Variants in KCNIP2 observed in about 807,000 individuals in gnomAD.
KCNIP2 encodes A-type potassium channel modulatory protein KCNIP2.
A neutral mutation model predicts 39.0 loss-of-function variants in KCNIP2; 19 were observed. That is an observed-to-expected ratio of 0.49 (90% CI 0.34 to 0.71). KCNIP2 has a LOEUF of 0.71. KCNIP2 is among the 30% of genes least tolerant of loss of function. The probability of loss-of-function intolerance (pLI) is 0.01; values close to 1 mark genes in which losing one functional copy is unlikely to be tolerated. For missense variants in KCNIP2, 261 were observed against 346.0 expected (o/e 0.75, Z 1.95); for synonymous variants, 111 against 131.2 (o/e 0.85, Z 1.05).
chr10:101,830,496 C>A, intron 2 of KCNIP2: 1 of 1,246,208 alleles, frequency 8.0e-7, no homozygotes, highest in Non-Finnish European at 1.0e-6. Flanking sequence ...AGGCTCAGGC[C>A]TCAGCCTGGT....
At chr10:101,831,283 T>C (rs977065989) in intron 1 of KCNIP2, 116 bp from the exon 2 acceptor site, 44 of 791,654 alleles carry the variant, frequency 5.6e-5, no homozygotes, top group South Asian at 5.4e-4. Context: ...GGGGGAGGAA[T>C]TAAGGGGAGG....
At chr10:101,833,035 G>C (rs1437337436) in intron 1 of KCNIP2, among the ~76,000 whole-genome samples, 1 of 149,812 alleles carries the variant, frequency 6.7e-6, no homozygotes, top group Non-Finnish European at 1.5e-5. Context: ...GGTGAGCTAG[G>C]AGTTTTCTGC....
chr10:101,840,844 G>A (rs2066310559), intron 1 of KCNIP2, among the ~76,000 whole-genome samples: 1 of 152,172 alleles, frequency 6.6e-6, no homozygotes, highest in Admixed American at 6.5e-5. Context: ...CAGCCACACG[G>A]GGGCGCCCCC....
chr10:101,827,452 C>T, intron 9 of KCNIP2, 52 bp from the exon 10 acceptor site: 1 of 1,561,880 alleles, frequency 6.4e-7, no homozygotes, highest in East Asian at 2.3e-5. Flanking sequence ...AGAGAAGGAG[C>T]TTATCAGAGA....
Position 101,828,991 on chromosome 10 carries a change from C to G in KCNIP2, c.348+84G>C. On this transcript the variant is annotated intron_variant, in intron 4 of 9. Coordinates refer to ENST00000356640, the MANE Select transcript of KCNIP2 (RefSeq NM_173191.3). The surrounding 1 kb of genome is among the most constrained non-coding windows in gnomAD (Gnocchi z 6.6). ...CCCTTCCGCCCACACCTCAAGCATCCAAGCCATGCTTTCTGGGAAGCTGTG... is the reference window on the plus strand; with the variant it reads ...CCCTTCCGCCCACACCTCAAGCATCGAAGCCATGCTTTCTGGGAAGCTGTG... 1 of 1,568,006 alleles carries G rather than the reference C, an allele frequency of 6.4e-7. No individual in the cohort carries two copies.
chr10:101,840,689 C>T (rs2066305885), intron 1 of KCNIP2, among the ~76,000 whole-genome samples: 1 of 152,088 alleles, frequency 6.6e-6, no homozygotes, highest in Non-Finnish European at 1.5e-5. Context: ...GAGATATAGT[C>T]CCGCTCTTTC....
At chr10:101,832,069 A>G (rs1478319574) in intron 1 of KCNIP2, among the ~76,000 whole-genome samples, 1 of 152,196 alleles carries the variant, frequency 6.6e-6, no homozygotes, top group Non-Finnish European at 1.5e-5. Context: ...CAGCTAACTC[A>G]TCTACCCTAA....
intron 1 of KCNIP2, among the ~76,000 whole-genome samples, chr10:101,834,694 T>C (rs549713133): frequency 6.6e-6 from 1 of 152,142 alleles, no homozygotes; most frequent in South Asian, 2.1e-4. Context: ...CCCCTAGACA[T>C]CCTGTGGCTA....
chr10:101,827,441 A>G, intron 9 of KCNIP2, 41 bp from the exon 10 acceptor site: 1 of 1,581,354 alleles, frequency 6.3e-7, no homozygotes, highest in African/African-American at 1.3e-5. Context: ...AAGAGAGAGA[A>G]AGAGAAGGAG....
chr10:101,832,723 A>G (rs1243194043), intron 1 of KCNIP2, among the ~76,000 whole-genome samples: 1 of 152,036 alleles, frequency 6.6e-6, no homozygotes, highest in Non-Finnish European at 1.5e-5. Context: ...GGGGCCTCCA[A>G]TGGTGTAGTT....
intron 1 of KCNIP2, among the ~76,000 whole-genome samples, chr10:101,836,271 TC>T (rs2066156818): frequency 2.1e-5 from 3 of 145,574 alleles, no homozygotes; most frequent in Non-Finnish European, 1.5e-5. Context: ...GGCTTTTTTT[TC>T]TCTTTTTTTT....
At chr10:101,830,551 AGC>A in intron 2 of KCNIP2, 1 of 965,672 alleles carries the variant, frequency 1.0e-6, no homozygotes, top group Non-Finnish European at 1.4e-6. Context: ...GTTTTGCGGG[AGC>A]GGTGACACAC....
chr10:101,835,853 G>C (rs893796777), intron 1 of KCNIP2, among the ~76,000 whole-genome samples: 1 of 152,168 alleles, frequency 6.6e-6, no homozygotes, highest in Admixed American at 6.5e-5. Context: ...GCCTATGAAG[G>C]CATACTATTA....
chr10:101,833,847 G>C (rs537760250), intron 1 of KCNIP2, among the ~76,000 whole-genome samples: 1 of 152,128 alleles, frequency 6.6e-6, no homozygotes, highest in African/African-American at 2.4e-5. Context: ...CACCGTGGTG[G>C]GCCCCTGACT....
rs766718618 is a variant in KCNIP2 at position 101,831,117 on chromosome 10, G to A, written c.124C>T (p.Leu42=). ...GCTTGGGGCCCGCAGCACGGCAGCA[G>A]CTTGAGGAATCGCTGCTTCAGCGCT... is the stretch of plus-strand genomic sequence containing the variant. ...KKALKQRFLK[L]LPCCGPQALP... is the part of the protein sequence containing the mutation. The change falls in exon 2 of 10, where the codon CTG becomes TTG. Residue 42 remains leucine, a synonymous_variant. Transcript: ENST00000356640. The A allele has an allele frequency of 1.2e-6, 2 of 1,613,626 alleles. No homozygotes were observed. The highest frequency in any genetic ancestry group is 1.7e-6 in the Non-Finnish European group (2 of 1,179,890).
Position 101,843,443 on chromosome 10 carries a change from C to A in KCNIP2, c.73+53G>T. On this transcript the variant is annotated intron_variant, in intron 1 of 9. Coordinates refer to ENST00000356640, the MANE Select transcript of KCNIP2 (RefSeq NM_173191.3). This position sits in a 1 kb window ranked among gnomAD's most constrained non-coding sequence, Gnocchi z 6.7. ...GCCGGGGTCGGAGAGGCGGAAGGGTCTGGAGGAATGGAATCCACCCTCCCT... is the reference window on the plus strand; with the variant it reads ...GCCGGGGTCGGAGAGGCGGAAGGGTATGGAGGAATGGAATCCACCCTCCCT... 1.6e-6 allele frequency: 2 copies of A among 1,270,548 alleles called. No homozygotes were observed. Among genetic ancestry groups the A allele is most frequent in the Non-Finnish European group, 1.1e-6 (1 of 927,914 alleles). The allele number at this position is 1,270,548 out of a possible 1,614,324, so 78.7% of individuals were successfully genotyped here. A position where few individuals can be genotyped will look rare whatever the true frequency, so the allele number is the denominator to read the frequency against.
chr10:101,829,457 C>T (rs1266365264), intron 3 of KCNIP2: 1 of 501,068 alleles, frequency 2.0e-6, no homozygotes, highest in African/African-American at 2.0e-5. Flanking sequence ...CCGCGGCCCT[C>T]GATCCCTCGT....
At position 101,828,706 on chromosome 10, in the gene KCNIP2, G is replaced by A; in HGVS notation, c.349-10C>T. Reference sequence around the variant, plus strand: ...TTCCGCTGGGACATTCCTGGAAGGAGAGGGCACCAGGCTGAGGGCAGAGAC... The same window carrying A: ...TTCCGCTGGGACATTCCTGGAAGGAAAGGGCACCAGGCTGAGGGCAGAGAC... On this transcript the variant is annotated splice_polypyrimidine_tract_variant and intron_variant, in intron 4 of 9. Transcript: ENST00000356640. The surrounding 1 kb of genome is among the most constrained non-coding windows in gnomAD (Gnocchi z 6.6). The A allele has an allele frequency of 1.9e-6, 3 of 1,614,166 alleles. No individual in the cohort carries two copies. The highest frequency in any genetic ancestry group is 2.5e-6 in the Non-Finnish European group (3 of 1,180,020).
At position 101,843,423 on chromosome 10, in the gene KCNIP2, G is replaced by A; in HGVS notation, c.73+73C>T. The A allele has an allele frequency of 9.9e-7, 1 of 1,005,844 alleles. No homozygotes were observed. The highest frequency in any genetic ancestry group is 1.4e-6 in the Non-Finnish European group (1 of 723,808). The allele number at this position is 1,005,844 out of a possible 1,614,324, so 62.3% of individuals were successfully genotyped here. A position where few individuals can be genotyped will look rare whatever the true frequency, so the allele number is the denominator to read the frequency against. On this transcript the variant is annotated intron_variant, in intron 1 of 9. Transcript: ENST00000356640. This position sits in a 1 kb window ranked among gnomAD's most constrained non-coding sequence, Gnocchi z 6.7. ...AGAGTGTGGGTGCGGGCCAGGCCGG[G>A]GTCGGAGAGGCGGAAGGGTCTGGAG...
Sources: gnomAD v4.1 joint callset for allele counts (sites outside exome capture counted in the v4.1 genomes callset) on GRCh38, gnomAD v4.1.1 for gene constraint, Gnocchi (gnomAD v3.1) non-coding constraint, MANE v1.5 for transcripts, NCBI Gene and HGNC (gene_info 2026-07-23, HGNC 2026-07-21) for gene names.